Variants in PPP3CA observed in about 807,000 individuals in gnomAD.
The protein encoded by PPP3CA is protein phosphatase 3 catalytic subunit alpha.
A neutral mutation model predicts 66.5 loss-of-function variants in PPP3CA; 14 were observed. The ratio of observed to expected loss-of-function variants is 0.21; its 90% CI spans 0.14 to 0.33. The LOEUF (loss-of-function observed/expected upper bound fraction) is 0.33, where lower values mean the gene tolerates loss of function less well. Ranked by LOEUF, PPP3CA falls within the 10% of genes least tolerant of loss-of-function variation. The pLI is 1.00. For synonymous variants in PPP3CA, 232 were observed against 226.2 expected (o/e 1.03, Z -0.23); for missense variants, 317 against 639.5 (o/e 0.50, Z 5.44).
intron 2 of PPP3CA, among the ~76,000 whole-genome samples, chr4:101,132,801 G>T (rs1193902207): frequency 1.3e-5 from 2 of 152,094 alleles, no homozygotes; most frequent in African/African-American, 4.8e-5. Flanking sequence ...AACCAAAAAA[G>T]AAAATTTCAG....
chr4:101,142,472 T>C (rs1396571335), intron 2 of PPP3CA, among the ~76,000 whole-genome samples: 4 of 152,160 alleles, frequency 2.6e-5, no homozygotes, highest in Non-Finnish European at 4.4e-5. Context: ...AATGATAATA[T>C]CTATCAATCA....
Position 101,292,081 on chromosome 4 carries a change from A to AACACAC in PPP3CA, c.58+54652_58+54657dup, listed in dbSNP as rs3974776. On this transcript the variant is annotated intron_variant, in intron 1 of 13. Coordinates refer to ENST00000394854, the MANE Select transcript of PPP3CA (RefSeq NM_000944.5). Reference sequence around the variant, plus strand: ...AGTTCGAGGCTGCACTGAGCCCATGAACACACACACACACACACACACACA... The same window carrying AACACAC: ...AGTTCGAGGCTGCACTGAGCCCATGAACACACACACACACACACACACACACACACA... 3.2e-4 allele frequency among the ~76,000 whole-genome samples: 42 copies of AACACAC among 130,726 alleles called. 1 individual carries two copies. Among genetic ancestry groups the AACACAC allele is most frequent in the African/African-American group, 8.9e-4 (31 of 34,730 alleles). 85.8% of individuals were successfully genotyped at this position (130,726 alleles called of 152,430 possible). A position where few individuals can be genotyped will look rare whatever the true frequency, so the allele number is the denominator to read the frequency against.
At chr4:101,314,064 T>C (rs1297242799) in intron 1 of PPP3CA, among the ~76,000 whole-genome samples, 1 of 152,200 alleles carries the variant, frequency 6.6e-6, no homozygotes, top group Non-Finnish European at 1.5e-5. Context: ...AGAACGCATT[T>C]GCAACTTTCA....
At position 101,217,237 on chromosome 4, in the gene PPP3CA, A is replaced by G. The variant is rs1022440730; in HGVS notation, c.59-21121T>C. The stretch of plus-strand genomic sequence containing the variant: ...GGGCCTGACTCCACCACAACCATGT[A>G]AAATAAGTGTTTATTGTTCCTGTTT... On this transcript the variant is annotated intron_variant, in intron 1 of 13. Coordinates refer to ENST00000394854, the MANE Select transcript of PPP3CA (RefSeq NM_000944.5). 2.0e-5 allele frequency among the ~76,000 whole-genome samples: 3 copies of G among 152,222 alleles called. No individual in the cohort carries two copies. The South Asian group carries it at 6.2e-4, about 32-fold the overall frequency.
chr4:101,178,757 C>T (rs1724143010), intron 2 of PPP3CA, among the ~76,000 whole-genome samples: 1 of 152,028 alleles, frequency 6.6e-6, no homozygotes, highest in South Asian at 2.1e-4. Flanking sequence ...GTCATGACAC[C>T]TAGACATCAC....
intron 8 of PPP3CA, among the ~76,000 whole-genome samples, chr4:101,068,949 A>G (rs865841939): frequency 5.9e-5 from 9 of 152,194 alleles, no homozygotes; most frequent in Non-Finnish European, 8.8e-5. Context: ...ATTCTTCAGT[A>G]TGGGAAAGTT....
In PPP3CA at chr4:101,119,501, G is replaced by T. The variant is rs201479922; in HGVS notation, c.260-10423C>A. On this transcript the variant is annotated intron_variant, in intron 2 of 13. Coordinates refer to ENST00000394854, the MANE Select transcript of PPP3CA (RefSeq NM_000944.5). ...AGACATTTCACCAAATGGATTTTTT[G>T]AAAAAACAAAAACAAAAACAAAAAC... is the stretch of plus-strand genomic sequence containing the variant. Among the ~76,000 whole-genome samples the T allele has an allele frequency of 2.6e-5, 4 of 151,254 alleles. No individual in the cohort carries two copies. In the East Asian group the frequency reaches 7.8e-4, roughly 29 times the overall value.
chr4:101,328,045 C>T (rs943480938), intron 1 of PPP3CA, among the ~76,000 whole-genome samples: 11 of 152,064 alleles, frequency 7.2e-5, no homozygotes, highest in African/African-American at 2.4e-4. Context: ...GAAATTTTCC[C>T]ACATGCAGAG....
intron 1 of PPP3CA, among the ~76,000 whole-genome samples, chr4:101,257,240 T>C (rs1456578576): frequency 6.6e-6 from 1 of 151,970 alleles, no homozygotes; most frequent in Non-Finnish European, 1.5e-5. Flanking sequence ...TATATTAAAG[T>C]TCCAAAAGGA....
intron 2 of PPP3CA, among the ~76,000 whole-genome samples, chr4:101,130,080 G>C (rs796756323): frequency 6.6e-6 from 1 of 151,948 alleles, no homozygotes; most frequent in East Asian, 1.9e-4. Flanking sequence ...CTGAAAAACA[G>C]AGCACGAGAA....
At chr4:101,208,933 T>C (rs1404361032) in intron 1 of PPP3CA, among the ~76,000 whole-genome samples, 1 of 152,144 alleles carries the variant, frequency 6.6e-6, no homozygotes, top group African/African-American at 2.4e-5. Context: ...CATGCATTCA[T>C]TACATATCGG....
intron 1 of PPP3CA, among the ~76,000 whole-genome samples, chr4:101,251,521 T>G (rs1451832015): frequency 6.6e-6 from 1 of 151,984 alleles, no homozygotes; most frequent in South Asian, 2.1e-4. Flanking sequence ...CAGAATAGAG[T>G]ACAATGATGT....
In PPP3CA at chr4:101,228,870, C is replaced by T. The variant is rs1725864693; in HGVS notation, c.59-32754G>A. 2.0e-5 allele frequency among the ~76,000 whole-genome samples: 3 copies of T among 151,608 alleles called. No individual in the cohort carries two copies. The South Asian group carries it at 6.2e-4, about 32-fold the overall frequency. ...TAAATACAAACTCTACAAAGATAAC[C>T]TCCACCAGAAAGTTTAGTTGGTGCT... is the stretch of plus-strand genomic sequence containing the variant. On this transcript the variant is annotated intron_variant, in intron 1 of 13. Transcript: ENST00000394854.
At chr4:101,244,785 T>C (rs1171895394) in intron 1 of PPP3CA, among the ~76,000 whole-genome samples, 10 of 152,348 alleles carry the variant, frequency 6.6e-5, no homozygotes, top group Admixed American at 5.9e-4. Context: ...TTAGTTACTA[T>C]GCAATTTATA....
At chr4:101,109,292 T>C (rs1409023069) in intron 2 of PPP3CA, among the ~76,000 whole-genome samples, 2 of 121,588 alleles carry the variant, frequency 1.6e-5, no homozygotes, top group Admixed American at 2.1e-4. Context: ...CTGAGTCCAC[T>C]AGTATACAGA....
At chr4:101,160,656 C>A (rs983130387) in intron 2 of PPP3CA, among the ~76,000 whole-genome samples, 1 of 151,968 alleles carries the variant, frequency 6.6e-6, no homozygotes, top group Non-Finnish European at 1.5e-5. Flanking sequence ...GTAGCAAACA[C>A]CCTTACACTA....
chr4:101,204,813 T>C lies in PPP3CA; in HGVS notation c.59-8697A>G, dbSNP rs186057885. Among the ~76,000 whole-genome samples, 52 of 151,758 alleles carry C rather than the reference T, an allele frequency of 3.4e-4. 1 individual carries two copies. Among genetic ancestry groups the C allele is most frequent in the African/African-American group, 1.2e-3 (48 of 41,360 alleles). ...AACTTAGAATTATAAATATTAAATGTCTTAATTTATATGTTTAAGTCAAAT... is the reference window on the plus strand; with the variant it reads ...AACTTAGAATTATAAATATTAAATGCCTTAATTTATATGTTTAAGTCAAAT... On this transcript the variant is annotated intron_variant, in intron 1 of 13. Coordinates refer to ENST00000394854, the MANE Select transcript of PPP3CA (RefSeq NM_000944.5).
intron 10 of PPP3CA, among the ~76,000 whole-genome samples, chr4:101,046,897 C>T (rs983116441): frequency 2.0e-5 from 3 of 152,104 alleles, no homozygotes; most frequent in South Asian, 2.1e-4. Context: ...CCAAAATCAG[C>T]ACCTTTGAAA....
At chr4:101,198,667 C>T (rs1387961385) in intron 1 of PPP3CA, among the ~76,000 whole-genome samples, 1 of 152,120 alleles carries the variant, frequency 6.6e-6, no homozygotes, top group Non-Finnish European at 1.5e-5. Flanking sequence ...AAAGCATTTA[C>T]GAAGGTGAGA....
Sources: gnomAD v4.1 joint callset for allele counts (sites outside exome capture counted in the v4.1 genomes callset) on GRCh38, gnomAD v4.1.1 for gene constraint, MANE v1.5 for transcripts, NCBI Gene and HGNC (gene_info 2026-07-23, HGNC 2026-07-21) for gene names.